The following RERE variants were observed in gnomAD, a reference collection of about 807,000 sequenced individuals.
RERE encodes arginine-glutamic acid dipeptide repeats, also known as arginine-glutamic acid dipeptide repeats protein.
Under a neutral mutation model 146.1 loss-of-function variants are expected in RERE, and 40 were observed. That is an observed-to-expected ratio of 0.27 (90% CI 0.21 to 0.36). RERE has a LOEUF of 0.36. Ranked by LOEUF, RERE falls within the 10% of genes least tolerant of loss-of-function variation. RERE has a pLI of 1.00. For missense variants in RERE, 1,933 were observed against 2,138.7 expected (o/e 0.90, Z 1.90); for synonymous variants, 1,003 against 866.0 (o/e 1.16, Z -2.78).
Position 8,536,320 on chromosome 1 carries a change from C to G in RERE, c.830+4894G>C, listed in dbSNP as rs553650949. Among the ~76,000 whole-genome samples, 13 of 152,106 alleles carry G rather than the reference C, an allele frequency of 8.5e-5. No individual in the cohort carries two copies. In the East Asian group the frequency reaches 2.5e-3, roughly 29 times the overall value. ...ACGAGGATTAAGTAGCAGCACGGGACTAGAACCCAGGCCACCCAGATCCAA... is the reference window on the plus strand; with the variant it reads ...ACGAGGATTAAGTAGCAGCACGGGAGTAGAACCCAGGCCACCCAGATCCAA... On this transcript the variant is annotated intron_variant, in intron 7 of 22. Coordinates refer to ENST00000400908, the MANE Select transcript of RERE (RefSeq NM_001042681.2).
intron 12 of RERE, among the ~76,000 whole-genome samples, chr1:8,415,183 G>A (rs943808466): frequency 6.6e-6 from 1 of 152,092 alleles, no homozygotes; most frequent in African/African-American, 2.4e-5. Context: ...TAAAATATAA[G>A]CTCCAAGTGG....
chr1:8,717,745 G>A (rs942212473), intron 1 of RERE, among the ~76,000 whole-genome samples: 4 of 152,184 alleles, frequency 2.6e-5, no homozygotes, highest in African/African-American at 9.7e-5. Flanking sequence ...AATTTCATCA[G>A]AGGACTGGAA....
chr1:8,810,348 G>A (rs1361720883), intron 1 of RERE, among the ~76,000 whole-genome samples: 1 of 148,364 alleles, frequency 6.7e-6, no homozygotes, highest in Non-Finnish European at 1.5e-5. Context: ...GCTCATGCCT[G>A]TAATCCCAAC....
intron 1 of RERE, among the ~76,000 whole-genome samples, chr1:8,750,100 A>G (rs1640500176): frequency 6.8e-6 from 1 of 147,682 alleles, no homozygotes; most frequent in Admixed American, 7.1e-5. Flanking sequence ...ACAGTGAGCC[A>G]AGATTATGCC....
chr1:8,528,659 G>A (rs143039219), intron 7 of RERE, among the ~76,000 whole-genome samples: 4 of 152,196 alleles, frequency 2.6e-5, no homozygotes, highest in African/African-American at 2.4e-5. Context: ...ATACTGGAAC[G>A]TTTTAGATTT....
At chr1:8,728,525 G>A (rs151279354) in intron 1 of RERE, among the ~76,000 whole-genome samples, 2 of 151,614 alleles carry the variant, frequency 1.3e-5, no homozygotes, top group South Asian at 2.1e-4. Flanking sequence ...TCTTTTTAGG[G>A]GATTAGTAGT....
chr1:8,480,627 G>C (rs1303105559), intron 10 of RERE, among the ~76,000 whole-genome samples: 1 of 151,502 alleles, frequency 6.6e-6, no homozygotes, highest in Non-Finnish European at 1.5e-5. Flanking sequence ...GTAGAGACGG[G>C]GTTTCACCAT....
chr1:8,416,361 G>A (rs376136269), intron 12 of RERE, among the ~76,000 whole-genome samples: 31 of 152,196 alleles, frequency 2.0e-4, no homozygotes, highest in African/African-American at 4.3e-4. Context: ...CAAGGCGGGC[G>A]GATCACAAGG....
chr1:8,698,808 G>A (rs889978492), intron 1 of RERE, among the ~76,000 whole-genome samples: 2 of 152,104 alleles, frequency 1.3e-5, no homozygotes, highest in African/African-American at 4.8e-5. Context: ...GTGAGCCACT[G>A]CACCTGGCCC....
rs538952322 is a variant in RERE at position 8,624,229 on chromosome 1, G to C, written c.396+81C>G. 1.4e-3 allele frequency: 1,586 copies of C among 1,125,678 alleles called. 6 individuals carry two copies. The highest frequency in any genetic ancestry group is 1.5e-3 in the Non-Finnish European group (1,140 of 741,642). The allele number at this position is 1,125,678 out of a possible 1,614,324, so 69.7% of individuals were successfully genotyped here. Reference sequence around the variant, plus strand: ...ACTGGTAACCACGTCAACAGCGATGGAGGAACAATAAGAGATAGCCAATGG... The same window carrying C: ...ACTGGTAACCACGTCAACAGCGATGCAGGAACAATAAGAGATAGCCAATGG... On this transcript the variant is annotated intron_variant, in intron 3 of 22. Coordinates refer to ENST00000400908, the MANE Select transcript of RERE (RefSeq NM_001042681.2).
At chr1:8,584,271 AGGCACTG>A (rs1392010292) in intron 4 of RERE, among the ~76,000 whole-genome samples, 1 of 152,182 alleles carries the variant, frequency 6.6e-6, no homozygotes, top group African/African-American at 2.4e-5. Flanking sequence ...TATTAAAAAT[AGGCACTG>A]GGCATGGTGA....
At chr1:8,554,349 G>C (rs1042675110) in intron 6 of RERE, among the ~76,000 whole-genome samples, 1 of 152,106 alleles carries the variant, frequency 6.6e-6, no homozygotes, top group Non-Finnish European at 1.5e-5. Context: ...CGTGAGACAA[G>C]ACGGAAACAG....
At position 8,534,806 on chromosome 1, in the gene RERE, C is replaced by T. The variant is rs543066323; in HGVS notation, c.830+6408G>A. 7.9e-5 allele frequency among the ~76,000 whole-genome samples: 12 copies of T among 152,336 alleles called. No individual in the cohort carries two copies. In the East Asian group the frequency reaches 1.3e-3, roughly 17 times the overall value. On this transcript the variant is annotated intron_variant, in intron 7 of 22. Coordinates refer to ENST00000400908, the MANE Select transcript of RERE (RefSeq NM_001042681.2). ...CAATGGCAAAACCTGGCAGACATCACGTCCAGCAACTGGTCAAAGTGAACA... is the reference window on the plus strand; with the variant it reads ...CAATGGCAAAACCTGGCAGACATCATGTCCAGCAACTGGTCAAAGTGAACA...
At chr1:8,613,148 C>T (rs562375944) in intron 4 of RERE, among the ~76,000 whole-genome samples, 7 of 152,340 alleles carry the variant, frequency 4.6e-5, no homozygotes, top group African/African-American at 1.7e-4. Flanking sequence ...TTTCCCCGTT[C>T]CACACTGCAA....
At chr1:8,703,577 C>G (rs1206280173) in intron 1 of RERE, among the ~76,000 whole-genome samples, 1 of 152,212 alleles carries the variant, frequency 6.6e-6, no homozygotes, top group Non-Finnish European at 1.5e-5. Flanking sequence ...AGCCTCCACC[C>G]GCTCCAATCC....
At chr1:8,505,316 A>G (rs1375467336) in intron 8 of RERE, among the ~76,000 whole-genome samples, 1 of 152,224 alleles carries the variant, frequency 6.6e-6, no homozygotes, top group East Asian at 1.9e-4. Context: ...ATGTTCTGAT[A>G]TATTGTGATT....
At chr1:8,811,411 A>T (rs1230605791) in intron 1 of RERE, among the ~76,000 whole-genome samples, 8 of 152,182 alleles carry the variant, frequency 5.3e-5, no homozygotes, top group Admixed American at 5.2e-4. Context: ...CTTCAAGACC[A>T]ACCTGGGCAA....
chr1:8,726,580 T>C (rs1450941159), intron 1 of RERE, among the ~76,000 whole-genome samples: 1 of 152,196 alleles, frequency 6.6e-6, no homozygotes, highest in Non-Finnish European at 1.5e-5. Context: ...AAACTCACAT[T>C]TCTACCAAAC....
At chr1:8,359,404 G>A (rs1320200032) in intron 19 of RERE, among the ~76,000 whole-genome samples, 1 of 152,222 alleles carries the variant, frequency 6.6e-6, no homozygotes, top group Non-Finnish European at 1.5e-5. Context: ...TCGCCTGAGT[G>A]CTCAGGTCTT....
Sources: gnomAD v4.1 joint callset for allele counts (sites outside exome capture counted in the v4.1 genomes callset) on GRCh38, gnomAD v4.1.1 for gene constraint, MANE v1.5 for transcripts, NCBI Gene and HGNC (gene_info 2026-07-23, HGNC 2026-07-21) for gene names.